CACNA1E: variants seen among roughly 807,000 people sequenced by gnomAD.
The protein encoded by CACNA1E is voltage-dependent R-type calcium channel subunit alpha-1E.
Under a neutral mutation model 259.2 loss-of-function variants are expected in CACNA1E, and 40 were observed. The ratio of observed to expected loss-of-function variants is 0.15; its 90% CI spans 0.12 to 0.20. The LOEUF (loss-of-function observed/expected upper bound fraction) is 0.20. Ranked by LOEUF, CACNA1E falls within the 10% of genes least tolerant of loss-of-function variation. The probability of loss-of-function intolerance (pLI) is 1.00; values close to 1 mark genes in which losing one functional copy is unlikely to be tolerated. For missense variants in CACNA1E, 1,874 were observed against 3,040.1 expected, an observed-to-expected ratio of 0.62 and a Z score of 9.02; for synonymous variants, 1,104 against 1,138.5, an observed-to-expected ratio of 0.97 and a Z score of 0.61.
chr1:181,614,396 C>T (rs1303614971), intron 6 of CACNA1E, among the ~76,000 whole-genome samples: 1 of 152,114 alleles, frequency 6.6e-6, no homozygotes, highest in Non-Finnish European at 1.5e-5. Context: ...TCTTATGGGC[C>T]CCATGATGTT....
At chr1:181,362,743 A>G (rs987442116) in intron 1 of CACNA1E, among the ~76,000 whole-genome samples, 5 of 152,242 alleles carry the variant, frequency 3.3e-5, no homozygotes, top group Admixed American at 2.0e-4. Context: ...TATGATGGGA[A>G]TAAGACTTAG....
chr1:181,408,621 GAC>G (rs985595503), intron 1 of CACNA1E, among the ~76,000 whole-genome samples: 1 of 151,882 alleles, frequency 6.6e-6, no homozygotes, highest in African/African-American at 2.4e-5. Context: ...ACTGTGCCCT[GAC>G]AGGGAAGGGA....
chr1:181,439,293 T>C lies in CACNA1E; in HGVS notation c.434+25713T>C, dbSNP rs1449809493. Among the ~76,000 whole-genome samples the C allele has an allele frequency of 2.3e-4, 35 of 151,758 alleles. 1 individual carries two copies. The highest frequency in any genetic ancestry group is 2.3e-3 in the Admixed American group (35 of 15,224). On this transcript the variant is annotated intron_variant, in intron 2 of 11. Coordinates refer to the CACNA1E transcript ENST00000524607. ...CAGAGATTTCAAATTTGAGATATTT[T>C]CCCTGTAAATTTTAGAAGGTTAGAG...
intron 3 of CACNA1E, among the ~76,000 whole-genome samples, chr1:181,520,430 A>G (rs551720587): frequency 1.3e-5 from 2 of 152,242 alleles, no homozygotes; most frequent in Non-Finnish European, 2.9e-5. Context: ...TAAAATACAC[A>G]TAAAGCACCA....
At chr1:181,682,241 T>C (rs1443533353) in intron 7 of CACNA1E, among the ~76,000 whole-genome samples, 1 of 152,212 alleles carries the variant, frequency 6.6e-6, no homozygotes, top group Non-Finnish European at 1.5e-5. Context: ...TTCAGTTGAC[T>C]TTGTCAGATT....
intron 1 of CACNA1E, among the ~76,000 whole-genome samples, chr1:181,356,100 C>T (rs999259488): frequency 2.0e-5 from 3 of 152,126 alleles, no homozygotes; most frequent in African/African-American, 7.2e-5. Flanking sequence ...GACTCAGGGC[C>T]ATCACAGTGC....
At chr1:181,785,892 A>C in intron 43 of CACNA1E, 73 bp downstream of exon 43, 1 of 920,500 alleles carries the variant, frequency 1.1e-6, no homozygotes, top group South Asian at 1.5e-5. Flanking sequence ...AGACCCCAAA[A>C]CTCACTGCTC....
At chr1:181,507,999 C>T (rs1480894183) in intron 1 of CACNA1E, among the ~76,000 whole-genome samples, 2 of 152,170 alleles carry the variant, frequency 1.3e-5, no homozygotes, top group Non-Finnish European at 2.9e-5. Flanking sequence ...CCTCCTGCCC[C>T]AGCTCTTGGG....
chr1:181,582,156 G>A (rs1651604032), intron 6 of CACNA1E, among the ~76,000 whole-genome samples: 1 of 152,238 alleles, frequency 6.6e-6, no homozygotes, highest in Non-Finnish European at 1.5e-5. Flanking sequence ...AAGCTTTGCA[G>A]AAAAGAGTCA....
At chr1:181,651,232 T>G in intron 6 of CACNA1E, 106 bp from the exon 7 acceptor site, 1 of 722,932 alleles carries the variant, frequency 1.4e-6, no homozygotes, top group Non-Finnish European at 2.4e-6. Context: ...TATTTAACTG[T>G]ATTGCATTGT....
intron 1 of CACNA1E, among the ~76,000 whole-genome samples, chr1:181,347,530 A>C (rs56165886): frequency 0.077 from 11,663 of 152,172 alleles, 639 homozygotes; most frequent in African/African-American, 0.15. Context: ...CCCTCCCTCC[A>C]TCTCCACCCT....
chr1:181,610,096 C>T (rs1291545196), intron 6 of CACNA1E, among the ~76,000 whole-genome samples: 2 of 152,192 alleles, frequency 1.3e-5, no homozygotes, highest in African/African-American at 4.8e-5. Flanking sequence ...GTGCACAAAG[C>T]ATCTTCCTGA....
chr1:181,419,559 A>G (rs1273350773), intron 2 of CACNA1E, among the ~76,000 whole-genome samples: 1 of 152,212 alleles, frequency 6.6e-6, no homozygotes, highest in Non-Finnish European at 1.5e-5. Context: ...ACACACAAAC[A>G]CACACACATA....
In CACNA1E at chr1:181,756,025, C is replaced by T. The variant is rs771109380; in HGVS notation, c.4059C>T (p.Phe1353=). Residue 1353 remains phenylalanine, a synonymous_variant, in exon 29 of 48, where the codon TTC becomes TTT. Coordinates refer to ENST00000367573, the MANE Select transcript of CACNA1E (RefSeq NM_001205293.3). ...VKGREWKRHE[F]HYDNIIWALL... ...GCCGGGAATGGAAGCGCCATGAATT[C>T]CACTACGACAACATTATCTGGGCCC... 1.9e-6 allele frequency: 3 copies of T among 1,613,734 alleles called. No individual in the cohort carries two copies. The highest frequency in any genetic ancestry group is 1.7e-6 in the Non-Finnish European group (2 of 1,179,814).
intron 6 of CACNA1E, among the ~76,000 whole-genome samples, chr1:181,614,536 G>A (rs1202425499): frequency 6.6e-6 from 1 of 152,196 alleles, no homozygotes; most frequent in Non-Finnish European, 1.5e-5. Context: ...GTCACATGGT[G>A]TTTGAAGCAG....
At chr1:181,360,898 T>G (rs1020527481) in intron 1 of CACNA1E, among the ~76,000 whole-genome samples, 7 of 152,058 alleles carry the variant, frequency 4.6e-5, no homozygotes, top group Non-Finnish European at 7.4e-5. Context: ...TGTTGCCCCC[T>G]AGGGTTCTAC....
At chr1:181,706,663 C>T (rs190478938) in intron 7 of CACNA1E, among the ~76,000 whole-genome samples, 1 of 152,246 alleles carries the variant, frequency 6.6e-6, no homozygotes, top group East Asian at 1.9e-4. Context: ...CCTTATTTTC[C>T]TCAACCTTGG....
rs544480356 is a variant in CACNA1E, at chr1:181,672,978, C to T, written c.1055+21537C>T. ...GTTTTGGCCTGGGTTCCCTGAAAGA[C>T]GACCCCAAGAAAAGAATTGGCTGCA... On this transcript the variant is annotated intron_variant, in intron 7 of 47. Coordinates refer to ENST00000367573, the MANE Select transcript of CACNA1E (RefSeq NM_001205293.3). Among the ~76,000 whole-genome samples, 73 of 152,082 alleles carry T rather than the reference C, an allele frequency of 4.8e-4. 1 individual carries two copies. Among genetic ancestry groups the T allele is most frequent in the Admixed American group, 4.6e-4 (7 of 15,288 alleles).
intron 6 of CACNA1E, among the ~76,000 whole-genome samples, chr1:181,614,208 T>C (rs1036169259): frequency 6.6e-6 from 1 of 152,186 alleles, no homozygotes; most frequent in African/African-American, 2.4e-5. Flanking sequence ...TCTTTTCTTT[T>C]CTTTTTTTTC....
Sources: gnomAD v4.1 joint callset for allele counts (sites outside exome capture counted in the v4.1 genomes callset) on GRCh38, gnomAD v4.1.1 for gene constraint, MANE v1.5 for transcripts, NCBI Gene and HGNC (gene_info 2026-07-23, HGNC 2026-07-21) for gene names.